The following INTS4 variants were observed in gnomAD, a reference collection of about 807,000 sequenced individuals.
INTS4 encodes MSTP093.
INTS4 carries 70 observed loss-of-function variants against 119.5 expected under a neutral mutation model. That is an observed-to-expected ratio of 0.59 (90% confidence interval 0.48 to 0.71). The LOEUF (loss-of-function observed/expected upper bound fraction) is 0.71, where lower values mean the gene tolerates loss of function less well. Among genes scored for constraint, INTS4 ranks in the 30% least tolerant of loss-of-function variants. INTS4 has a pLI of 0.00. For synonymous variants in INTS4, 316 were observed against 419.6 expected (o/e 0.75, Z 3.02); for missense variants, 867 against 1,173.2 (o/e 0.74, Z 3.81).
intron 8 of INTS4, among the ~76,000 whole-genome samples, chr11:77,949,315 A>C (rs1290761275): frequency 6.6e-6 from 1 of 152,150 alleles, no homozygotes; most frequent in Non-Finnish European, 1.5e-5. Context: ...ATGGGCAAAG[A>C]CTTCATGACT....
At chr11:77,891,298 G>A (rs769880964) in intron 21 of INTS4, 21 bp downstream of exon 21, 1 of 1,606,994 alleles carries the variant, frequency 6.2e-7, no homozygotes, top group South Asian at 1.1e-5. Flanking sequence ...GAAGCTCCAT[G>A]AGGACCCAAA....
At chr11:77,919,802 T>C (rs770485116) in intron 14 of INTS4, among the ~76,000 whole-genome samples, 12 of 152,332 alleles carry the variant, frequency 7.9e-5, no homozygotes, top group Non-Finnish European at 1.8e-4. Flanking sequence ...TTTCATTTTG[T>C]ATCTACTTGT....
intron 10 of INTS4, among the ~76,000 whole-genome samples, chr11:77,929,850 T>C (rs571785500): frequency 5.9e-5 from 9 of 152,166 alleles, no homozygotes; most frequent in Non-Finnish European, 1.3e-4. Flanking sequence ...AATGAGATAA[T>C]ACAGGTAAAC....
chr11:77,909,171 A>C (rs1219853192), intron 15 of INTS4, among the ~76,000 whole-genome samples: 1 of 152,272 alleles, frequency 6.6e-6, no homozygotes, highest in Non-Finnish European at 1.5e-5. Flanking sequence ...AAAAACCCTT[A>C]AGATAAAGCC....
chr11:77,960,853 T>C (rs770679196), intron 5 of INTS4, 100 bp downstream of exon 5: 57 of 1,060,704 alleles, frequency 5.4e-5, no homozygotes, highest in Non-Finnish European at 6.4e-5. Context: ...CCTGAAAGTA[T>C]ATGCTGAAGA....
At chr11:77,896,256 A>G (rs761647636) in intron 18 of INTS4, among the ~76,000 whole-genome samples, 1 of 152,242 alleles carries the variant, frequency 6.6e-6, no homozygotes, top group Non-Finnish European at 1.5e-5. Flanking sequence ...AGAGAAGCAC[A>G]CTTGGAAATA....
In INTS4 at chr11:77,928,337, C is replaced by A; in HGVS notation, c.1371+5G>T. Reference sequence around the variant, plus strand: ...AGAAATGAGTAACAAATTAGAAACACTCACCTCTAGCACAGCCAGGACAGT... The same window carrying A: ...AGAAATGAGTAACAAATTAGAAACAATCACCTCTAGCACAGCCAGGACAGT... On this transcript the variant is annotated splice_donor_5th_base_variant and intron_variant, in intron 11 of 22. Coordinates refer to ENST00000534064, the MANE Select transcript of INTS4 (RefSeq NM_033547.4). 6.2e-7 allele frequency: 1 copy of A among 1,612,528 alleles called. No individual in the cohort carries two copies. The highest frequency in any genetic ancestry group is 1.3e-5 in the African/African-American group (1 of 74,840).
rs1216494552 is a variant in INTS4, at chr11:77,994,618, A to G, written c.26T>C (p.Val9Ala). The G allele has an allele frequency of 6.2e-7, 1 of 1,613,534 alleles. No individual in the cohort carries two copies. The highest frequency in any genetic ancestry group is 8.5e-7 in the Non-Finnish European group (1 of 1,179,908). MAAHLKKR[V>A]YEEFTKVVQP... ...AACCACTTTCGTGAATTCCTCATAA[A>G]CCCGCTTCTTAAGGTGCGCCGCCAT... Residue 9 changes from valine to alanine, a missense_variant, in exon 1 of 23, where the codon GTT becomes GCT. By Grantham distance (64) the Val-to-Ala change is moderately conservative. This residue lies in a region of INTS4 where 224 missense variants were observed against 231.8 expected (regional missense o/e 0.97). Coordinates refer to ENST00000534064, the MANE Select transcript of INTS4 (RefSeq NM_033547.4).
intron 22 of INTS4, among the ~76,000 whole-genome samples, chr11:77,881,240 T>G (rs964208381): frequency 4.6e-5 from 7 of 152,210 alleles, no homozygotes; most frequent in African/African-American, 1.7e-4. Flanking sequence ...GTAAAATAAC[T>G]TTCTCAGGAT....
At chr11:77,943,134 T>C (rs999201236) in intron 8 of INTS4, among the ~76,000 whole-genome samples, 2 of 152,170 alleles carry the variant, frequency 1.3e-5, no homozygotes, top group African/African-American at 4.8e-5. Context: ...GACTTCACAG[T>C]AAGTTGCTTC....
intron 10 of INTS4, among the ~76,000 whole-genome samples, chr11:77,932,766 C>T (rs1313285554): frequency 6.6e-6 from 1 of 151,978 alleles, no homozygotes; most frequent in Non-Finnish European, 1.5e-5. Context: ...CATGGAATAC[C>T]ACGCAGCCAT....
At chr11:77,984,051 T>TA (rs1381801273) in intron 2 of INTS4, among the ~76,000 whole-genome samples, 1 of 152,052 alleles carries the variant, frequency 6.6e-6, no homozygotes, top group Admixed American at 6.6e-5. Flanking sequence ...TATTTAGCCT[T>TA]AAAAAAGAAG....
intron 19 of INTS4, among the ~76,000 whole-genome samples, chr11:77,893,927 G>A (rs1380978225): frequency 2.5e-5 from 1 of 40,628 alleles, no homozygotes; most frequent in Non-Finnish European, 5.8e-5. Flanking sequence ...AAATAAATAA[G>A]AATGGTGTGA....
rs1231247920 is a variant in INTS4 at position 77,883,949 on chromosome 11, A to C, written c.2596T>G (p.Leu866Val). Residue 866 changes from leucine (L) to valine (V), a missense_variant, in exon 22 of 23, where the codon TTA becomes GTA. Transcript: ENST00000534064. ...DPQNTVKVQVLYPDGQAQMIH... is the reference protein window; with the variant it reads ...DPQNTVKVQVVYPDGQAQMIH... ...ATCTGAGCCTGGCCATCTGGATATA[A>C]GACCTAAAGGGTGACAGAAATGAGA... The C allele has an allele frequency of 3.1e-6, 5 of 1,612,848 alleles. No homozygotes were observed. Among genetic ancestry groups the C allele is most frequent in the Non-Finnish European group, 4.2e-6 (5 of 1,179,384 alleles).
At chr11:77,994,470 A>G in intron 1 of INTS4, 120 bp downstream of exon 1, 1 of 772,208 alleles carries the variant, frequency 1.3e-6, no homozygotes, top group Non-Finnish European at 2.3e-6. Flanking sequence ...ATCAGAGATT[A>G]TCAACAAGTC....
intron 4 of INTS4, among the ~76,000 whole-genome samples, chr11:77,964,701 G>A (rs1279165454): frequency 6.6e-6 from 1 of 151,718 alleles, no homozygotes; most frequent in Non-Finnish European, 1.5e-5. Context: ...GAAGGAAGGA[G>A]GAAGGAATGA....
At chr11:77,939,563 C>T (rs1245520678) in intron 9 of INTS4, among the ~76,000 whole-genome samples, 1 of 152,156 alleles carries the variant, frequency 6.6e-6, no homozygotes, top group Admixed American at 6.5e-5. Flanking sequence ...CAGAGATTGC[C>T]TAAGGTGGAA....
intron 1 of INTS4, among the ~76,000 whole-genome samples, chr11:77,994,389 T>A (rs1045139860): frequency 2.0e-5 from 3 of 152,212 alleles, no homozygotes; most frequent in Non-Finnish European, 2.9e-5. Flanking sequence ...ATAATTTTTT[T>A]AAAATCCTGT....
At chr11:77,946,665 G>A (rs975596825) in intron 8 of INTS4, among the ~76,000 whole-genome samples, 10 of 151,890 alleles carry the variant, frequency 6.6e-5, no homozygotes, top group Non-Finnish European at 1.0e-4. Context: ...GCAGGCTGAG[G>A]TGGGAGGATC....
Sources: allele counts gnomAD v4.1 joint callset (sites outside exome capture counted in the v4.1 genomes callset), GRCh38; gene constraint gnomAD v4.1.1; regional missense constraint gnomAD v4.1.1; transcripts MANE v1.5; gene names NCBI Gene and HGNC (gene_info 2026-07-23, HGNC 2026-07-21).